The following FANCB variants were observed in gnomAD, a reference collection of about 807,000 sequenced individuals.
The protein encoded by FANCB is Fanconi anemia group B protein.
FANCB carries 5 observed loss-of-function variants against 38.9 expected under a neutral mutation model. That is an observed-to-expected ratio of 0.13 (90% CI 0.07 to 0.27). The LOEUF (loss-of-function observed/expected upper bound fraction) is 0.27. Among genes scored for constraint, FANCB ranks in the 10% least tolerant of loss-of-function variants. The probability of loss-of-function intolerance (pLI) is 1.00; values close to 1 mark genes in which losing one functional copy is unlikely to be tolerated. For synonymous variants in FANCB, 236 were observed against 215.4 expected, an observed-to-expected ratio of 1.10 and a Z score of -0.84; for missense variants, 573 against 602.7, an observed-to-expected ratio of 0.95 and a Z score of 0.52.
the FANCB span, among the ~76,000 whole-genome samples, chrX:14,716,388 G>C: frequency 8.9e-6 from 1 of 111,798 alleles, no homozygotes; most frequent in Non-Finnish European, 1.9e-5. Context: ...TTCTAGCCCA[G>C]TGATTTCCTC....
chrX:14,728,967 C>A, the FANCB span, among the ~76,000 whole-genome samples: 1 of 112,423 alleles, frequency 8.9e-6, no homozygotes, highest in South Asian at 3.7e-4. Flanking sequence ...GTTCTTCTCA[C>A]CTTCCTTACC....
the FANCB span, among the ~76,000 whole-genome samples, chrX:14,748,232 G>C: frequency 1.8e-5 from 2 of 112,252 alleles, no homozygotes; most frequent in East Asian, 5.6e-4. Flanking sequence ...GGTCTACATA[G>C]CAAGGAACTG....
chrX:14,759,339 T>G, the FANCB span, among the ~76,000 whole-genome samples: 1 of 111,372 alleles, frequency 9.0e-6, no homozygotes, highest in South Asian at 3.8e-4. Context: ...TTGCTAGAGA[T>G]CTAGACATTC....
At chrX:14,771,133 G>A in the FANCB span, among the ~76,000 whole-genome samples, 2 of 111,171 alleles carry the variant, frequency 1.8e-5, no homozygotes, top group Non-Finnish European at 3.8e-5. Context: ...TTCTCATGGA[G>A]TATCTTAGTG....
At chrX:14,817,847 T>C in the FANCB span, among the ~76,000 whole-genome samples, 2 of 111,527 alleles carry the variant, frequency 1.8e-5, no homozygotes, top group Non-Finnish European at 3.8e-5. Flanking sequence ...GAAAGTCAGT[T>C]CCGGAAAGAT....
chrX:14,739,382 A>G, the FANCB span, among the ~76,000 whole-genome samples: 1 of 111,694 alleles, frequency 9.0e-6, no homozygotes, highest in African/African-American at 3.3e-5. Context: ...AAGATCACCT[A>G]TCATATTAGA....
chrX:14,725,265 C>A, the FANCB span, among the ~76,000 whole-genome samples: 1 of 111,782 alleles, frequency 8.9e-6, no homozygotes, highest in African/African-American at 3.2e-5. Flanking sequence ...GAAATTGAAG[C>A]CTTAACAGTT....
At chrX:14,834,643 G>C (rs5978692), downstream of FANCB, 171,655 of 591,996 alleles carry the variant, frequency 0.29, 18,538 homozygotes, top group African/African-American at 0.36. Context: ...GGTCCCTTTG[G>C]TGTTTTAGGA....
chrX:14,863,527 G>A (rs2092455394), intron 3 of FANCB, among the ~76,000 whole-genome samples: 1 of 112,191 alleles, frequency 8.9e-6, no homozygotes. Context: ...TATTGGTGGA[G>A]ACACCCAGTT....
chrX:14,721,481 G>C, the FANCB span, among the ~76,000 whole-genome samples: 1 of 111,255 alleles, frequency 9.0e-6, no homozygotes, highest in African/African-American at 3.3e-5. Context: ...CTCCCTGTGA[G>C]TATGCTGTGT....
At chrX:14,732,098 T>C in the FANCB span, among the ~76,000 whole-genome samples, 10 of 110,160 alleles carry the variant, frequency 9.1e-5, no homozygotes, top group East Asian at 2.0e-3. Flanking sequence ...TGTGTTCTCA[T>C]TGTTCGACTC....
the FANCB span, among the ~76,000 whole-genome samples, chrX:14,734,064 G>T: frequency 8.9e-6 from 1 of 112,108 alleles, no homozygotes; most frequent in African/African-American, 3.2e-5. Context: ...CTGAAGACCT[G>T]TCTCATCAAA....
chrX:14,817,250 C>T, the FANCB span, among the ~76,000 whole-genome samples: 2 of 111,824 alleles, frequency 1.8e-5, no homozygotes, highest in East Asian at 5.6e-4. Flanking sequence ...ATACATTTCT[C>T]ACCATAAAGC....
At chrX:14,742,355 T>A in the FANCB span, among the ~76,000 whole-genome samples, 106 of 111,901 alleles carry the variant, frequency 9.5e-4, 1 homozygote, top group Non-Finnish European at 1.1e-3. Flanking sequence ...TGCCCATTCT[T>A]CCGGAAGGTA....
the FANCB span, among the ~76,000 whole-genome samples, chrX:14,810,278 C>T: frequency 3.6e-5 from 4 of 112,341 alleles, no homozygotes; most frequent in Admixed American, 9.4e-5. Context: ...TCCAAAGGAA[C>T]GCAGTTCCTC....
At chrX:14,745,258 G>T in the FANCB span, among the ~76,000 whole-genome samples, 3 of 111,561 alleles carry the variant, frequency 2.7e-5, no homozygotes, top group Admixed American at 9.5e-5. Flanking sequence ...AACTACAAGG[G>T]GTTTGGGCTC....
the FANCB span, among the ~76,000 whole-genome samples, chrX:14,724,645 A>C: frequency 2.8e-4 from 25 of 87,924 alleles, no homozygotes; most frequent in Non-Finnish European, 4.1e-4. Context: ...AAAAAAAAAA[A>C]AAAAAAACAA....
At chrX:14,822,329 A>T in the FANCB span, among the ~76,000 whole-genome samples, 32 of 110,042 alleles carry the variant, frequency 2.9e-4, no homozygotes, top group Non-Finnish European at 5.3e-4. Context: ...CATGGGGGAA[A>T]ATGGAACAGG....
At chrX:14,769,955 G>A in the FANCB span, among the ~76,000 whole-genome samples, 1 of 112,300 alleles carries the variant, frequency 8.9e-6, no homozygotes, top group South Asian at 3.7e-4. Flanking sequence ...CCATGTAGAT[G>A]TGTCGTTTTG....
Sources: gnomAD v4.1 joint callset for allele counts (sites outside exome capture counted in the v4.1 genomes callset) on GRCh38, gnomAD v4.1.1 for gene constraint, MANE v1.5 for transcripts, NCBI Gene and HGNC (gene_info 2026-07-23, HGNC 2026-07-21) for gene names.